NUP93: variants seen among roughly 807,000 people sequenced by gnomAD.
NUP93 encodes nuclear pore complex protein Nup93.
NUP93 carries 55 observed loss-of-function variants against 107.8 expected under a neutral mutation model. The observed-to-expected ratio is 0.51, with a 90% CI of 0.41 to 0.64. The LOEUF is 0.64. NUP93 is among the 30% of genes least tolerant of loss of function. The pLI is 0.00. For synonymous variants in NUP93, 390 were observed against 397.5 expected, an observed-to-expected ratio of 0.98 and a Z score of 0.22; for missense variants, 937 against 1,044.7, an observed-to-expected ratio of 0.90 and a Z score of 1.42.
At chr16:56,804,781 C>T (rs1189410275) in intron 4 of NUP93, among the ~76,000 whole-genome samples, 2 of 151,714 alleles carry the variant, frequency 1.3e-5, no homozygotes, top group African/African-American at 4.8e-5. Context: ...TGGTGGGCGC[C>T]TGTAATCCCA....
chr16:56,846,802 T>A lies in NUP93; in HGVS notation c.*2193T>A, dbSNP rs535633606. 2 of 152,334 alleles carry A rather than the reference T, an allele frequency of 1.3e-5. No homozygotes were observed. The highest frequency in any genetic ancestry group is 2.9e-5 in the Non-Finnish European group (2 of 68,028). The allele number at this position is 152,334 out of a possible 1,614,324, so 9.4% of individuals were successfully genotyped here. A position where few individuals can be genotyped will look rare whatever the true frequency, so the allele number is the denominator to read the frequency against. On this transcript the variant is annotated 3_prime_UTR_variant, in exon 22 of 22. Transcript: ENST00000308159. ...ACTAGATTTTACTTGCAGATAGAAA[T>A]ATAACAATGCCACAAATGAGAAGGC...
chr16:56,766,646 C>T (rs577521553), intron 3 of NUP93, among the ~76,000 whole-genome samples: 140 of 152,304 alleles, frequency 9.2e-4, no homozygotes, highest in Non-Finnish European at 1.8e-3. Context: ...GATCTGCTTG[C>T]CACAGCACCT....
At chr16:56,748,133 CA>C in intron 1 of NUP93, 100 bp from the exon 2 acceptor site, 1 of 775,810 alleles carries the variant, frequency 1.3e-6, no homozygotes, top group Admixed American at 2.6e-5. Context: ...CGTCTGTTTA[CA>C]AAAAGTTCTG....
intron 3 of NUP93, among the ~76,000 whole-genome samples, chr16:56,778,666 G>A (rs1170966902): frequency 6.6e-6 from 1 of 152,156 alleles, no homozygotes; most frequent in Non-Finnish European, 1.5e-5. Flanking sequence ...GTGAGGTTTG[G>A]GGCAAGGAGA....
At chr16:56,799,357 T>C (rs138809484) in intron 4 of NUP93, among the ~76,000 whole-genome samples, 61 of 152,338 alleles carry the variant, frequency 4.0e-4, no homozygotes, top group African/African-American at 1.2e-3. Flanking sequence ...TGTGCAACAA[T>C]ATTCTGCAAC....
chr16:56,765,518 A>G (rs1337174291), intron 3 of NUP93, among the ~76,000 whole-genome samples: 1 of 152,214 alleles, frequency 6.6e-6, no homozygotes, highest in Non-Finnish European at 1.5e-5. Context: ...TTGAAGAGAA[A>G]TCCTTTCCTG....
chr16:56,823,906 C>G (rs1963603762), intron 8 of NUP93, 60 bp downstream of exon 8: 1 of 1,587,072 alleles, frequency 6.3e-7, no homozygotes, highest in African/African-American at 1.3e-5. Context: ...AACTGTTTCT[C>G]AGATCTTAAG....
In NUP93 at chr16:56,837,728, T is replaced by C; in HGVS notation, c.2018+2T>C. 6.2e-7 allele frequency: 1 copy of C among 1,612,012 alleles called. No individual in the cohort carries two copies. The highest frequency in any genetic ancestry group is 8.5e-7 in the Non-Finnish European group (1 of 1,178,540). ...CATGGCACTCTCCATTGCCGAACGG[T>C]AAGCCAGGAGCTGGCTCCATGGGAC... is the stretch of plus-strand genomic sequence containing the variant. On this transcript the variant is annotated splice_donor_variant, in intron 18 of 21. Coordinates refer to ENST00000308159, the MANE Select transcript of NUP93 (RefSeq NM_014669.5). LOFTEE classifies it high-confidence loss of function.
intron 8 of NUP93, among the ~76,000 whole-genome samples, chr16:56,828,590 G>A (rs1232189214): frequency 6.6e-6 from 1 of 152,178 alleles, no homozygotes; most frequent in Non-Finnish European, 1.5e-5. Flanking sequence ...AAGGTTATGT[G>A]CATTCATTGA....
chr16:56,738,930 T>C (rs992178850), intron 1 of NUP93, among the ~76,000 whole-genome samples: 3 of 147,518 alleles, frequency 2.0e-5, no homozygotes, highest in Admixed American at 6.9e-5. Flanking sequence ...CTGCTTAAAA[T>C]TAAATGCTAA....
intron 2 of NUP93, among the ~76,000 whole-genome samples, chr16:56,751,054 A>G (rs1961909560): frequency 6.6e-6 from 1 of 152,040 alleles, no homozygotes; most frequent in African/African-American, 2.4e-5. Context: ...AGGCTGAGGT[A>G]GGAGGATTGC....
At chr16:56,779,645 A>G (rs1962476494) in intron 3 of NUP93, among the ~76,000 whole-genome samples, 1 of 152,178 alleles carries the variant, frequency 6.6e-6, no homozygotes, top group African/African-American at 2.4e-5. Flanking sequence ...CAGCCAGCAT[A>G]TCTTGCAACT....
intron 1 of NUP93, among the ~76,000 whole-genome samples, chr16:56,739,015 A>G (rs1184575523): frequency 3.4e-5 from 5 of 149,056 alleles, no homozygotes; most frequent in Non-Finnish European, 5.9e-5. Flanking sequence ...CATGTTTCAG[A>G]GAGCACAGGG....
chr16:56,758,692 A>G (rs756160864), intron 3 of NUP93, 37 bp downstream of exon 3: 9 of 1,463,738 alleles, frequency 6.1e-6, no homozygotes, highest in Non-Finnish European at 6.7e-6. Context: ...CCCAGAGCAT[A>G]TAACCCAGGC....
intron 20 of NUP93, among the ~76,000 whole-genome samples, chr16:56,841,455 A>C (rs1256676765): frequency 6.6e-6 from 1 of 152,246 alleles, no homozygotes; most frequent in Non-Finnish European, 1.5e-5. Context: ...ACTGCCCCTG[A>C]CTAAGGGAAA....
In NUP93 at chr16:56,849,134, C is replaced by G. The variant is rs1299974098; in HGVS notation, c.*4525C>G. 2.0e-5 allele frequency: 3 copies of G among 152,238 alleles called. No individual in the cohort carries two copies. Among genetic ancestry groups the G allele is most frequent in the African/African-American group, 7.2e-5 (3 of 41,452 alleles). The allele number at this position is 152,238 out of a possible 1,614,324, so 9.4% of individuals were successfully genotyped here. A position where few individuals can be genotyped will look rare whatever the true frequency, so the allele number is the denominator to read the frequency against. ...TGGATCAGCTCCACGTGCCTAGATT[C>G]AGACTCCGTGATTCACCGTGGGGGC... is the stretch of plus-strand genomic sequence containing the variant. On this transcript the variant is annotated 3_prime_UTR_variant, in exon 22 of 22. Transcript: ENST00000308159.
At chr16:56,784,493 C>G (rs1311043088) in intron 3 of NUP93, among the ~76,000 whole-genome samples, 1 of 152,154 alleles carries the variant, frequency 6.6e-6, no homozygotes, top group Non-Finnish European at 1.5e-5. Flanking sequence ...TGTAAAACTC[C>G]TGTTTGTAAT....
intron 20 of NUP93, among the ~76,000 whole-genome samples, chr16:56,841,370 A>T (rs549345801): frequency 1.3e-5 from 2 of 152,236 alleles, no homozygotes; most frequent in South Asian, 4.2e-4. Context: ...ATTCAAGTTC[A>T]AATTATTTAA....
At chr16:56,815,676 T>C (rs1347412776) in intron 5 of NUP93, among the ~76,000 whole-genome samples, 3 of 152,302 alleles carry the variant, frequency 2.0e-5, no homozygotes, top group Admixed American at 6.5e-5. Context: ...CACTTATTCC[T>C]CACAACAGTG....
Sources: gnomAD v4.1 joint callset for allele counts (sites outside exome capture counted in the v4.1 genomes callset) on GRCh38, gnomAD v4.1.1 for gene constraint, MANE v1.5 for transcripts, NCBI Gene and HGNC (gene_info 2026-07-23, HGNC 2026-07-21) for gene names.